The following SH3GL2 variants were observed in gnomAD, a reference collection of about 807,000 sequenced individuals.
SH3GL2 encodes SH3 domain containing GRB2 like 2, endophilin A1.
In SH3GL2, 24 loss-of-function variants were observed where a neutral mutation model predicts 46.0. The ratio of observed to expected loss-of-function variants is 0.52; its 90% CI spans 0.38 to 0.73. The LOEUF is 0.73. Among genes scored for constraint, SH3GL2 ranks in the 30% least tolerant of loss-of-function variants. The pLI is 0.00. For missense variants in SH3GL2, 413 were observed against 424.2 expected (o/e 0.97, Z 0.23); for synonymous variants, 196 against 147.1 (o/e 1.33, Z -2.40).
intron 2 of SH3GL2, among the ~76,000 whole-genome samples, chr9:17,747,450 A>G (rs1261681822): frequency 6.6e-6 from 1 of 152,156 alleles, no homozygotes; most frequent in Non-Finnish European, 1.5e-5. Context: ...TGAGATGCGT[A>G]GAAAAGAAGC....
chr9:17,582,315 CT>C (rs140303267), intron 1 of SH3GL2, among the ~76,000 whole-genome samples: 1,999 of 152,182 alleles, frequency 0.013, 54 homozygotes, highest in African/African-American at 0.046. Flanking sequence ...TACTTCATTA[CT>C]TAATTGCTCA....
chr9:17,604,561 C>T (rs1394532944), intron 1 of SH3GL2, among the ~76,000 whole-genome samples: 2 of 152,108 alleles, frequency 1.3e-5, no homozygotes, highest in African/African-American at 4.8e-5. Flanking sequence ...GTTCTCTGTC[C>T]TTAGCCATGC....
chr9:17,728,576 A>G (rs947741883), intron 1 of SH3GL2, among the ~76,000 whole-genome samples: 3 of 152,196 alleles, frequency 2.0e-5, no homozygotes, highest in Middle Eastern at 6.8e-3. Context: ...TGCTGCACCC[A>G]TCAGCCTGTC....
chr9:17,724,722 A>G (rs1452490006), intron 1 of SH3GL2, among the ~76,000 whole-genome samples: 2 of 152,060 alleles, frequency 1.3e-5, no homozygotes, highest in African/African-American at 4.8e-5. Context: ...TTGTTTGCTC[A>G]TTTGTTTATT....
intron 1 of SH3GL2, among the ~76,000 whole-genome samples, chr9:17,703,971 C>G (rs1461828084): frequency 6.6e-6 from 1 of 151,906 alleles, no homozygotes; most frequent in Non-Finnish European, 1.5e-5. Flanking sequence ...GTATAAAAAG[C>G]ATTCAGATAG....
In SH3GL2 at chr9:17,796,113, C is replaced by G. The variant is rs1344191605; in HGVS notation, c.*370C>G. 5.4e-6 allele frequency: 1 copy of G among 184,584 alleles called. No individual in the cohort carries two copies. Among genetic ancestry groups the G allele is most frequent in the African/African-American group, 2.3e-5 (1 of 42,982 alleles). The allele number at this position is 184,584 out of a possible 1,614,324, so 11.4% of individuals were successfully genotyped here. Reference sequence around the variant, plus strand: ...CACCCCAGGGGCCATCTGAAGGTCTCTTTGCATTTCTCCATGCAAAGAGGA... The same window carrying G: ...CACCCCAGGGGCCATCTGAAGGTCTGTTTGCATTTCTCCATGCAAAGAGGA... On this transcript the variant is annotated 3_prime_UTR_variant, in exon 9 of 9. Coordinates refer to ENST00000380607, the MANE Select transcript of SH3GL2 (RefSeq NM_003026.5).
intron 1 of SH3GL2, among the ~76,000 whole-genome samples, chr9:17,610,888 G>A (rs755410008): frequency 4.1e-4 from 62 of 152,186 alleles, no homozygotes; most frequent in African/African-American, 1.4e-3. Flanking sequence ...TAGTAATCTC[G>A]TTTTTAAGGT....
chr9:17,795,202 G>C (rs1049674633), intron 8 of SH3GL2, among the ~76,000 whole-genome samples: 29 of 152,150 alleles, frequency 1.9e-4, no homozygotes, highest in African/African-American at 6.8e-4. Flanking sequence ...TTAAGTCATT[G>C]TCCCTCCTAT....
intron 1 of SH3GL2, among the ~76,000 whole-genome samples, chr9:17,744,621 G>C (rs1822628184): frequency 6.6e-6 from 1 of 152,118 alleles, no homozygotes; most frequent in African/African-American, 2.4e-5. Context: ...TCCTGCCTCA[G>C]GCTCCCAAAA....
intron 1 of SH3GL2, among the ~76,000 whole-genome samples, chr9:17,645,480 A>G (rs1819792995): frequency 6.6e-6 from 1 of 152,002 alleles, no homozygotes; most frequent in Admixed American, 6.6e-5. Context: ...CGTTCTTTAC[A>G]ATTTTGTTTG....
intron 1 of SH3GL2, among the ~76,000 whole-genome samples, chr9:17,654,793 C>T (rs559951018): frequency 6.6e-6 from 1 of 152,100 alleles, no homozygotes; most frequent in South Asian, 2.1e-4. Flanking sequence ...TACCCAACTG[C>T]AAAGGTGCTA....
At chr9:17,720,485 T>G (rs1204020958) in intron 1 of SH3GL2, among the ~76,000 whole-genome samples, 1 of 152,050 alleles carries the variant, frequency 6.6e-6, no homozygotes, top group East Asian at 1.9e-4. Context: ...CCGAGACAGC[T>G]GGATTGGTTA....
intron 1 of SH3GL2, among the ~76,000 whole-genome samples, chr9:17,730,452 C>G (rs373485501): frequency 1.3e-5 from 2 of 152,098 alleles, no homozygotes; most frequent in Admixed American, 6.6e-5. Context: ...CACTTTATTT[C>G]TTTCTCTTGC....
chr9:17,652,723 G>C (rs906473025), intron 1 of SH3GL2, among the ~76,000 whole-genome samples: 3 of 152,126 alleles, frequency 2.0e-5, no homozygotes, highest in Non-Finnish European at 4.4e-5. Context: ...TTAGAGTTCA[G>C]ATTTTCAGAT....
intron 1 of SH3GL2, among the ~76,000 whole-genome samples, chr9:17,741,788 T>G (rs1822535158): frequency 6.6e-6 from 1 of 152,200 alleles, no homozygotes; most frequent in South Asian, 2.1e-4. Flanking sequence ...TATGAGCAAA[T>G]ATGCTTAGCA....
At chr9:17,712,448 T>C (rs74416942) in intron 1 of SH3GL2, among the ~76,000 whole-genome samples, 10,202 of 151,916 alleles carry the variant, frequency 0.067, 488 homozygotes, top group Admixed American at 0.14. Flanking sequence ...TTAGGTATTA[T>C]AGGTAGACCT....
chr9:17,766,444 A>C (rs1191879395), intron 3 of SH3GL2, among the ~76,000 whole-genome samples: 1 of 152,268 alleles, frequency 6.6e-6, no homozygotes, highest in African/African-American at 2.4e-5. Flanking sequence ...AAATCACTGA[A>C]GAAGATATAA....
At chr9:17,726,256 A>G (rs1822016719) in intron 1 of SH3GL2, among the ~76,000 whole-genome samples, 1 of 152,106 alleles carries the variant, frequency 6.6e-6, no homozygotes, top group South Asian at 2.1e-4. Context: ...GCAGAGTGAC[A>G]TTTAGCTTAT....
intron 3 of SH3GL2, among the ~76,000 whole-genome samples, chr9:17,785,185 G>A (rs1277344477): frequency 6.6e-6 from 1 of 152,134 alleles, no homozygotes; most frequent in Non-Finnish European, 1.5e-5. Context: ...GGAATCCTTT[G>A]CGATGCCCCT....
Sources: allele counts gnomAD v4.1 joint callset (sites outside exome capture counted in the v4.1 genomes callset), GRCh38; gene constraint gnomAD v4.1.1; transcripts MANE v1.5; gene names NCBI Gene and HGNC (gene_info 2026-07-23, HGNC 2026-07-21).